Variants in TNFRSF6B observed in about 807,000 individuals in gnomAD.
TNFRSF6B encodes the protein TNF receptor superfamily member 6b.
In TNFRSF6B, 23 loss-of-function variants were observed where a neutral mutation model predicts 17.9. The observed-to-expected ratio is 1.28, with a 90% CI of 0.92 to 1.82. The LOEUF (loss-of-function observed/expected upper bound fraction) is 1.82, where lower values mean the gene tolerates loss of function less well. TNFRSF6B is among the 40% of genes most tolerant of loss of function. TNFRSF6B has a pLI of 0.00. For synonymous variants in TNFRSF6B, 291 were observed against 195.8 expected (o/e 1.49, Z -4.06); for missense variants, 555 against 437.2 (o/e 1.27, Z -2.40).
Position 63,696,652 on chromosome 20 carries a change from G to A in TNFRSF6B, c.-116G>A. ...TAGGGCAGCAGCAGGATGGGCTTCT[G>A]GACTTGGGCGGCCCCTCCGCAGGCG... On this transcript the variant is annotated 5_prime_UTR_variant, in exon 1 of 3. Transcript: ENST00000369996. The A allele has an allele frequency of 1.7e-6, 2 of 1,203,008 alleles. No homozygotes were observed. The highest frequency in any genetic ancestry group is 3.2e-5 in the South Asian group (2 of 62,972). The allele number at this position is 1,203,008 out of a possible 1,614,324, so 74.5% of individuals were successfully genotyped here.
Position 63,698,267 on chromosome 20 carries a change from C to A in TNFRSF6B, c.620-13C>A. 6.2e-7 allele frequency: 1 copy of A among 1,609,206 alleles called. No individual in the cohort carries two copies. The highest frequency in any genetic ancestry group is 8.5e-7 in the Non-Finnish European group (1 of 1,178,602). The stretch of plus-strand genomic sequence containing the variant: ...TGAAATGATCGGACCGCTGCCTCCC[C>A]ACCCCACTGCAGGAGCTGAGGAGTG... On this transcript the variant is annotated splice_polypyrimidine_tract_variant and intron_variant, in intron 2 of 2. Coordinates refer to ENST00000369996, the MANE Select transcript of TNFRSF6B (RefSeq NM_003823.4).
Position 63,696,854 on chromosome 20 carries a change from A to T in TNFRSF6B, c.87A>T (p.Gly29=). The T allele has an allele frequency of 1.2e-6, 2 of 1,611,554 alleles. No individual in the cohort carries two copies. The highest frequency in any genetic ancestry group is 1.7e-6 in the Non-Finnish European group (2 of 1,179,480). ...PALLPVPAVR[G]VAETPTYPWR... is the part of the protein sequence containing the mutation. ...TGCTGCCGGTGCCGGCTGTACGCGG[A>T]GTGGCAGAAACACCCACCTACCCCT... The change falls in exon 1 of 3, where the codon GGA becomes GGT. Residue 29 remains glycine (G), a synonymous_variant. Transcript: ENST00000369996.
At chr20:63,697,941 T>C (rs2091019426) in intron 2 of TNFRSF6B, among the ~76,000 whole-genome samples, 1 of 152,124 alleles carries the variant, frequency 6.6e-6, no homozygotes. Flanking sequence ...AGTGACCCCC[T>C]TAACATCAAG....
rs2090995888 is a variant in TNFRSF6B, at chr20:63,697,007, G to A, written c.240G>A (p.Gln80=). 6.2e-7 allele frequency: 1 copy of A among 1,609,076 alleles called. No homozygotes were observed. The highest frequency in any genetic ancestry group is 2.2e-5 in the East Asian group (1 of 44,810). ...CGTGTCCACCGCGCCACTACACGCAGTTCTGGAACTACCTAGAGCGCTGCC... is the reference window on the plus strand; with the variant it reads ...CGTGTCCACCGCGCCACTACACGCAATTCTGGAACTACCTAGAGCGCTGCC... ...CGPCPPRHYT[Q]FWNYLERCRY... Residue 80 remains glutamine, a synonymous_variant, in exon 1 of 3, where the codon CAG becomes CAA. Transcript: ENST00000369996.
Position 63,697,599 on chromosome 20 carries a change from A to G in TNFRSF6B, c.619+77A>G, listed in dbSNP as rs182336835. 7.8e-4 allele frequency: 1,105 copies of G among 1,414,610 alleles called. 4 individuals carry two copies. In the Middle Eastern group the frequency reaches 0.014, roughly 18 times the overall value. 87.6% of individuals were successfully genotyped at this position (1,414,610 alleles called of 1,614,324 possible). A position where few individuals can be genotyped will look rare whatever the true frequency, so the allele number is the denominator to read the frequency against. ...CCCTCACTCCTGCCCCTGCACGTGC[A>G]TCTAGCCTGAGGCATGCCAGCTGGC... On this transcript the variant is annotated intron_variant, in intron 2 of 2. Transcript: ENST00000369996.
intron 2 of TNFRSF6B, among the ~76,000 whole-genome samples, chr20:63,697,988 T>G (rs1345217559): frequency 6.6e-6 from 1 of 152,142 alleles, no homozygotes; most frequent in Non-Finnish European, 1.5e-5. Context: ...AACTCGCCCC[T>G]TCCGATGGCC....
At chr20:63,698,144 C>G (rs2091024111) in intron 2 of TNFRSF6B, 136 bp from the exon 3 acceptor site, 5 of 1,183,884 alleles carry the variant, frequency 4.2e-6, no homozygotes, top group Non-Finnish European at 4.6e-6. Context: ...CTGCCCTCTC[C>G]AGCACGGCTC....
Position 63,697,004 on chromosome 20 carries a change from G to T in TNFRSF6B, c.237G>T (p.Thr79=), listed in dbSNP as rs770358515. 5 of 1,608,760 alleles carry T rather than the reference G, an allele frequency of 3.1e-6. No individual in the cohort carries two copies. The African/African-American group carries it at 4.0e-5, about 13-fold the overall frequency. Residue 79 remains threonine, a synonymous_variant, in exon 1 of 3, where the codon ACG becomes ACT. Transcript: ENST00000369996. ...GCCCGTGTCCACCGCGCCACTACAC[G>T]CAGTTCTGGAACTACCTAGAGCGCT... The part of the protein sequence containing the change: ...TCGPCPPRHY[T]QFWNYLERCR...
intron 2 of TNFRSF6B, 58 bp downstream of exon 2, chr20:63,697,580 C>T: frequency 1.4e-6 from 2 of 1,461,178 alleles, no homozygotes; most frequent in Non-Finnish European, 1.8e-6. Flanking sequence ...TGTGCCCTCA[C>T]TCCTGCCCCT....
rs771489318 is a variant in TNFRSF6B at position 63,698,461 on chromosome 20, G to A, written c.801G>A (p.Ala267=). 23 of 1,552,670 alleles carry A rather than the reference G, an allele frequency of 1.5e-5. No individual in the cohort carries two copies. The highest frequency in any genetic ancestry group is 1.9e-4 in the Middle Eastern group (1 of 5,288). ...LRRRLTELLG[A]QDGALLVRLL... Reference sequence around the variant, plus strand: ...GGCGGCTCACGGAGCTCCTGGGGGCGCAGGACGGGGCGCTGCTGGTGCGGC... The same window carrying A: ...GGCGGCTCACGGAGCTCCTGGGGGCACAGGACGGGGCGCTGCTGGTGCGGC... Residue 267 remains alanine (A), a synonymous_variant, in exon 3 of 3, where the codon GCG becomes GCA. Transcript: ENST00000369996.
Position 63,698,487 on chromosome 20 carries a change from TGCTGCAGGC to T in TNFRSF6B, c.833_841del (p.Gln278_Leu280del). 1 of 1,549,384 alleles carries T rather than the reference TGCTGCAGGC, an allele frequency of 6.5e-7. No individual in the cohort carries two copies. Among genetic ancestry groups the T allele is most frequent in the Non-Finnish European group, 8.7e-7 (1 of 1,156,032 alleles). ...CAGGACGGGGCGCTGCTGGTGCGGC[TGCTGCAGGC>T]GCTGCGCGTGGCCAGGATGCCCGGG... On this transcript the variant is annotated inframe_deletion, in exon 3 of 3. Coordinates refer to ENST00000369996, the MANE Select transcript of TNFRSF6B (RefSeq NM_003823.4).
Position 63,697,394 on chromosome 20 carries a change from G to A in TNFRSF6B, c.491G>A (p.Ser164Asn), listed in dbSNP as rs369763471. ...GGCACCTTCTCAGCCAGCAGCTCCAGCTCAGAGCAGTGCCAGCCCCACCGC... is the reference window on the plus strand; with the variant it reads ...GGCACCTTCTCAGCCAGCAGCTCCAACTCAGAGCAGTGCCAGCCCCACCGC... ...PPGTFSASSS[S>N]SEQCQPHRNC... The change falls in exon 2 of 3, where the codon AGC (serine) becomes AAC (asparagine). Residue 164 changes from serine to asparagine, a missense_variant. Physicochemically the swap from Ser to Asn is conservative, Grantham distance 46. Coordinates refer to ENST00000369996, the MANE Select transcript of TNFRSF6B (RefSeq NM_003823.4). 25 of 1,611,704 alleles carry A rather than the reference G, an allele frequency of 1.6e-5. No individual in the cohort carries two copies. The East Asian group carries it at 4.2e-4, about 27-fold the overall frequency.
chr20:63,698,154 C>T (rs1392318008), intron 2 of TNFRSF6B, 126 bp from the exon 3 acceptor site: 9 of 1,249,926 alleles, frequency 7.2e-6, no homozygotes, highest in Middle Eastern at 2.4e-4. Context: ...CAGCACGGCT[C>T]ACTGCACAGG....
chr20:63,697,799 T>C (rs2091015427), intron 2 of TNFRSF6B, among the ~76,000 whole-genome samples: 2 of 152,162 alleles, frequency 1.3e-5, no homozygotes, highest in Non-Finnish European at 1.5e-5. Context: ...GGAAGGTGGC[T>C]GGCTCCTCTG....
chr20:63,696,687 C>T lies in TNFRSF6B; in HGVS notation c.-81C>T, dbSNP rs2090987960. ...GGCCCCTCCGCAGGCGGACCGGGGGCAAAGGAGGTGGCATGTCGGTCAGGC... is the reference window on the plus strand; with the variant it reads ...GGCCCCTCCGCAGGCGGACCGGGGGTAAAGGAGGTGGCATGTCGGTCAGGC... On this transcript the variant is annotated 5_prime_UTR_variant, in exon 1 of 3. Transcript: ENST00000369996. 3 of 1,413,338 alleles carry T rather than the reference C, an allele frequency of 2.1e-6. No individual in the cohort carries two copies. Among genetic ancestry groups the T allele is most frequent in the Non-Finnish European group, 2.8e-6 (3 of 1,076,026 alleles). The allele number at this position is 1,413,338 out of a possible 1,614,324, so 87.5% of individuals were successfully genotyped here. A position where few individuals can be genotyped will look rare whatever the true frequency, so the allele number is the denominator to read the frequency against.
Position 63,697,080 on chromosome 20 carries a change from T to C in TNFRSF6B, c.313T>C (p.Cys105Arg), listed in dbSNP as rs1356793980. 13 of 1,604,538 alleles carry C rather than the reference T, an allele frequency of 8.1e-6. No individual in the cohort carries two copies. The highest frequency in any genetic ancestry group is 1.7e-5 in the Admixed American group (1 of 59,584). ...GGAGCGTGAGGAGGAGGCACGGGCT[T>C]GCCACGCCACCCACAACCGTGCCTG... Reference protein sequence around the residue: ...CGEREEEARACHATHNRACRC... With the variant: ...CGEREEEARARHATHNRACRC... The change falls in exon 1 of 3, where the codon TGC (cysteine) becomes CGC (arginine). Residue 105 changes from cysteine (C) to arginine (R), a missense_variant. Transcript: ENST00000369996.
chr20:63,697,268 C>G (rs2091002488), intron 1 of TNFRSF6B, 60 bp from the exon 2 acceptor site: 2 of 1,564,334 alleles, frequency 1.3e-6, no homozygotes, highest in African/African-American at 1.4e-5. Flanking sequence ...CTGGTCCCAG[C>G]CTTGCACCCT....
chr20:63,698,344 G>T lies in TNFRSF6B; in HGVS notation c.684G>T (p.Arg228Ser). ...FVAFQDISIK[R>S]LQRLLQALEA... Reference sequence around the variant, plus strand: ...CTTTCCAGGACATCTCCATCAAGAGGCTGCAGCGGCTGCTGCAGGCCCTCG... The same window carrying T: ...CTTTCCAGGACATCTCCATCAAGAGTCTGCAGCGGCTGCTGCAGGCCCTCG... The change falls in exon 3 of 3, where the codon AGG becomes AGT. Residue 228 changes from arginine to serine, a missense_variant. By Grantham distance (110) the Arg-to-Ser change is moderately radical. Coordinates refer to ENST00000369996, the MANE Select transcript of TNFRSF6B (RefSeq NM_003823.4). The T allele has an allele frequency of 6.2e-7, 1 of 1,611,166 alleles. No homozygotes were observed. Among genetic ancestry groups the T allele is most frequent in the East Asian group, 2.2e-5 (1 of 44,682 alleles).
intron 2 of TNFRSF6B, 83 bp downstream of exon 2, chr20:63,697,605 C>A: frequency 7.2e-7 from 1 of 1,386,004 alleles, no homozygotes; most frequent in Non-Finnish European, 9.5e-7. Flanking sequence ...GTGCATCTAG[C>A]CTGAGGCATG....
Sources: gnomAD v4.1 joint callset for allele counts (sites outside exome capture counted in the v4.1 genomes callset) on GRCh38, gnomAD v4.1.1 for gene constraint, MANE v1.5 for transcripts, NCBI Gene and HGNC (gene_info 2026-07-23, HGNC 2026-07-21) for gene names.